Variants in ZNF107 observed in about 807,000 individuals in gnomAD.
The protein encoded by ZNF107 is C2H2 type zinc-finger protein.
Under a neutral mutation model 12.3 loss-of-function variants are expected in ZNF107, and 19 were observed. The observed-to-expected ratio is 1.55, with a 90% CI of 1.08 to 2.27. The LOEUF (loss-of-function observed/expected upper bound fraction) is 2.27. Among genes scored for constraint, ZNF107 ranks in the 30% most tolerant of loss-of-function variants. The pLI, the probability that ZNF107 is intolerant of heterozygous loss-of-function variation, is 0.00. For synonymous variants in ZNF107, 317 were observed against 330.5 expected, an observed-to-expected ratio of 0.96 and a Z score of 0.44; for missense variants, 958 against 979.9, an observed-to-expected ratio of 0.98 and a Z score of 0.30.
At position 64,708,910 on chromosome 7, in the gene ZNF107, G is replaced by A; in HGVS notation, c.*254G>A. ...GAAAAATGTGGCAAATCCTTTAACT[G>A]ATCCTCAACTTTTACTAAACATAAG... On this transcript the variant is annotated 3_prime_UTR_variant, in exon 4 of 4. Coordinates refer to ENST00000620827, the MANE Select transcript of ZNF107 (RefSeq NM_001282359.2). The A allele has an allele frequency of 5.3e-6, 3 of 568,528 alleles. No individual in the cohort carries two copies. In the South Asian group the frequency reaches 6.5e-5, roughly 12 times the overall value. 35.2% of individuals were successfully genotyped at this position (568,528 alleles called of 1,614,324 possible). A position where few individuals can be genotyped will look rare whatever the true frequency, so the allele number is the denominator to read the frequency against.
At chr7:64,699,863 T>TC (rs1279760776) in intron 3 of ZNF107, among the ~76,000 whole-genome samples, 21 of 151,752 alleles carry the variant, frequency 1.4e-4, no homozygotes, top group Admixed American at 2.0e-4. Context: ...GGTCAGGAGA[T>TC]CGAGATCATC....
In ZNF107 at chr7:64,709,133, G is replaced by A; in HGVS notation, c.*477G>A. On this transcript the variant is annotated 3_prime_UTR_variant, in exon 4 of 4. Coordinates refer to ENST00000620827, the MANE Select transcript of ZNF107 (RefSeq NM_001282359.2). ...TACTGGAGAGAAAGCCTACAATTGT[G>A]AAGAATGTGGCAAAGCTTTTAACCT... 2.2e-6 allele frequency: 1 copy of A among 462,780 alleles called. No homozygotes were observed. Among genetic ancestry groups the A allele is most frequent in the Non-Finnish European group, 4.4e-6 (1 of 229,568 alleles). 28.7% of individuals were successfully genotyped at this position (462,780 alleles called of 1,614,324 possible).
chr7:64,704,674 T>G (rs542457758), intron 3 of ZNF107, among the ~76,000 whole-genome samples: 9 of 152,126 alleles, frequency 5.9e-5, no homozygotes, highest in Admixed American at 5.9e-4. Flanking sequence ...CAGAATTTTG[T>G]TTTTTGTTTA....
At chr7:64,698,350 C>T (rs1208788889) in intron 3 of ZNF107, among the ~76,000 whole-genome samples, 2 of 151,844 alleles carry the variant, frequency 1.3e-5, no homozygotes, top group Non-Finnish European at 2.9e-5. Context: ...CACTCATTTC[C>T]TAAGAGGTGT....
rs768052829 is a variant in ZNF107 at position 64,708,228 on chromosome 7, G to A, written c.2131G>A (p.Gly711Ser). The stretch of plus-strand genomic sequence containing the variant: ...GAAACCTTACCAATGTGCAGAATGT[G>A]GCAAAGCCTTTAACTGCTCCTCAAC... ...GEKPYQCAEC[G>S]KAFNCSSTLN... The change falls in exon 4 of 4, where the codon GGC becomes AGC. Residue 711 changes from glycine to serine, a missense_variant. Physicochemically the swap from Gly to Ser is moderately conservative, Grantham distance 56 (BLOSUM62 0). Transcript: ENST00000620827. 1 of 1,613,324 alleles carries A rather than the reference G, an allele frequency of 6.2e-7. No homozygotes were observed. The highest frequency in any genetic ancestry group is 2.2e-5 in the East Asian group (1 of 44,852).
chr7:64,673,772 T>G (rs2128956525), intron 1 of ZNF107, among the ~76,000 whole-genome samples: 1 of 152,320 alleles, frequency 6.6e-6, no homozygotes, highest in Middle Eastern at 3.4e-3. Context: ...GGTATCCACT[T>G]TCAATGTTCT....
At chr7:64,679,335 A>G (rs1179229060) in intron 1 of ZNF107, 2 of 985,010 alleles carry the variant, frequency 2.0e-6, no homozygotes, top group Non-Finnish European at 2.4e-6. Flanking sequence ...GCCTTCGGAT[A>G]GGTAAGAGAC....
rs1790667916 is a variant in ZNF107 at position 64,706,857 on chromosome 7, GA to G, written c.761del (p.Glu254GlyfsTer24). 6.2e-7 allele frequency: 1 copy of G among 1,613,456 alleles called. No individual in the cohort carries two copies. The highest frequency in any genetic ancestry group is 1.1e-5 in the South Asian group (1 of 91,038). ...LTRHKIIHTE[E>X]KPNKCEECGK... ...TAGGCATAAGATAATTCATACTGAA[GA>G]GAAACCCAACAAATGTGAAGAATGT... On this transcript the variant is annotated frameshift_variant, in exon 4 of 4. Transcript: ENST00000620827. LOFTEE classifies it low-confidence loss of function (END_TRUNC).
chr7:64,687,536 C>G, intron 1 of ZNF107: 2 of 985,370 alleles, frequency 2.0e-6, no homozygotes, highest in Non-Finnish European at 2.4e-6. Context: ...CACAAGCTAC[C>G]AGGAGACGGC....
At position 64,697,991 on chromosome 7, in the gene ZNF107, A is replaced by G. The variant is rs1444044290; in HGVS notation, c.226+6031A>G. ...CACCGCGCCCGGCCGGTAAAACATA[A>G]CATTTTAAAACAATGGCTGCATTCT... On this transcript the variant is annotated intron_variant, in intron 3 of 3. Coordinates refer to ENST00000620827, the MANE Select transcript of ZNF107 (RefSeq NM_001282359.2). 3.3e-5 allele frequency among the ~76,000 whole-genome samples: 5 copies of G among 152,198 alleles called. No individual in the cohort carries two copies. The South Asian group carries it at 1.0e-3, about 32-fold the overall frequency.
chr7:64,706,416 G>A lies in ZNF107; in HGVS notation c.319G>A (p.Glu107Lys), dbSNP rs770865352. Residue 107 changes from glutamate to lysine, a missense_variant, in exon 4 of 4, where the codon GAA becomes AAA. Glu to Lys is a moderately conservative substitution (Grantham distance 56). Transcript: ENST00000620827. Reference sequence around the variant, plus strand: ...GACACTGAGAAGATACGGAAAATGTGAATATGAGAATTTACAGTTAAGAAA... The same window carrying A: ...GACACTGAGAAGATACGGAAAATGTAAATATGAGAATTTACAGTTAAGAAA... ...KVTLRRYGKC[E>K]YENLQLRKGC... The A allele has an allele frequency of 9.3e-6, 15 of 1,613,428 alleles. No homozygotes were observed. The highest frequency in any genetic ancestry group is 1.7e-5 in the Admixed American group (1 of 59,980).
At chr7:64,673,393 GCAT>G (rs1562823265) in intron 1 of ZNF107, among the ~76,000 whole-genome samples, 1 of 152,164 alleles carries the variant, frequency 6.6e-6, no homozygotes, top group Non-Finnish European at 1.5e-5. Context: ...CTTTTGAAAA[GCAT>G]CTGTTCATGT....
At position 64,708,936 on chromosome 7, in the gene ZNF107, G is replaced by C; in HGVS notation, c.*280G>C. The C allele has an allele frequency of 2.1e-6, 1 of 481,506 alleles. No homozygotes were observed. The highest frequency in any genetic ancestry group is 4.0e-5 in the East Asian group (1 of 24,812). 29.8% of individuals were successfully genotyped at this position (481,506 alleles called of 1,614,324 possible). ...ATCCTCAACTTTTACTAAACATAAG[G>C]TAATTCATACTGGAGAAAAGCCATA... On this transcript the variant is annotated 3_prime_UTR_variant, in exon 4 of 4. Transcript: ENST00000620827.
At chr7:64,672,598 G>A (rs1427441690) in intron 1 of ZNF107, among the ~76,000 whole-genome samples, 4 of 152,022 alleles carry the variant, frequency 2.6e-5, no homozygotes, top group East Asian at 1.9e-4. Context: ...TTTGAGTTCC[G>A]CAAATCTGCA....
intron 1 of ZNF107, chr7:64,686,899 G>A (rs1562832902): frequency 1.9e-5 from 19 of 985,240 alleles, no homozygotes; most frequent in Non-Finnish European, 2.2e-5. Flanking sequence ...AAGTCTGCTT[G>A]GGTCTTCAAT....
chr7:64,700,195 C>T lies in ZNF107; in HGVS notation c.227-6129C>T, dbSNP rs114241194. 5.4e-3 allele frequency among the ~76,000 whole-genome samples: 818 copies of T among 152,176 alleles called. 10 individuals are homozygous for T. The highest frequency in any genetic ancestry group is 0.019 in the African/African-American group (774 of 41,508). On this transcript the variant is annotated intron_variant, in intron 3 of 3. Transcript: ENST00000620827. ...TGCAAACCTCATGCTGCAATGTACTCCTCAATGTTGGATGTAAAACCTGGT... is the reference window on the plus strand; with the variant it reads ...TGCAAACCTCATGCTGCAATGTACTTCTCAATGTTGGATGTAAAACCTGGT...
At chr7:64,691,063 G>A (rs540614933) in intron 1 of ZNF107, among the ~76,000 whole-genome samples, 185 bp from the exon 2 acceptor site, 4 of 152,030 alleles carry the variant, frequency 2.6e-5, no homozygotes, top group African/African-American at 4.8e-5. Flanking sequence ...TAGTAGAGAC[G>A]GGGTTTCACC....
At chr7:64,681,272 G>A (rs1011303976) in intron 1 of ZNF107, among the ~76,000 whole-genome samples, 2 of 151,902 alleles carry the variant, frequency 1.3e-5, no homozygotes, top group South Asian at 2.1e-4. Flanking sequence ...ACTCCACCCT[G>A]CCCTCCTTTC....
chr7:64,698,945 T>A (rs961850008), intron 3 of ZNF107, among the ~76,000 whole-genome samples: 3 of 152,180 alleles, frequency 2.0e-5, no homozygotes, highest in African/African-American at 4.8e-5. Flanking sequence ...AGATTATCTT[T>A]TCCCTCTTTT....
Sources: gnomAD v4.1 joint callset for allele counts (sites outside exome capture counted in the v4.1 genomes callset) on GRCh38, gnomAD v4.1.1 for gene constraint, MANE v1.5 for transcripts, NCBI Gene and HGNC (gene_info 2026-07-23, HGNC 2026-07-21) for gene names.